CANX: variants seen among roughly 807,000 people sequenced by gnomAD.
CANX encodes epididymis secretory sperm binding protein.
In CANX, 14 loss-of-function variants were observed where a neutral mutation model predicts 75.7. That is an observed-to-expected ratio of 0.19 (90% CI 0.12 to 0.29). The LOEUF is 0.29. Ranked by LOEUF, CANX falls within the 10% of genes least tolerant of loss-of-function variation. The pLI is 1.00. For synonymous variants in CANX, 227 were observed against 236.9 expected (o/e 0.96, Z 0.38); for missense variants, 567 against 713.2 (o/e 0.79, Z 2.34).
intron 7 of CANX, among the ~76,000 whole-genome samples, chr5:179,714,975 G>T (rs1403200110): frequency 1.3e-5 from 2 of 151,910 alleles, no homozygotes; most frequent in African/African-American, 4.8e-5. Context: ...ATGTTGGCCA[G>T]GCTGGTCTCG....
intron 7 of CANX, among the ~76,000 whole-genome samples, chr5:179,713,686 G>A (rs1319588040): frequency 6.6e-6 from 1 of 152,120 alleles, no homozygotes; most frequent in African/African-American, 2.4e-5. Flanking sequence ...GGGAGGCTGA[G>A]GTGGGAGGAT....
At position 179,724,664 on chromosome 5, in the gene CANX, C is replaced by A. The variant is rs773343126; in HGVS notation, c.1526C>A (p.Thr509Asn). 1 of 1,612,542 alleles carries A rather than the reference C, an allele frequency of 6.2e-7. No homozygotes were observed. The highest frequency in any genetic ancestry group is 2.2e-5 in the East Asian group (1 of 44,856). Residue 509 changes from threonine to asparagine, a missense_variant, in exon 13 of 15, where the codon ACC (threonine) becomes AAC (asparagine). Transcript: ENST00000247461. ...CTTTGGGGAACATTTCAGAAACAGACCAGTGGTATGGAGTATAAGAAAACT... is the reference window on the plus strand; with the variant it reads ...CTTTGGGGAACATTTCAGAAACAGAACAGTGGTATGGAGTATAAGAAAACT... Reference protein sequence around the residue: ...ILFCCSGKKQTSGMEYKKTDA... With the variant: ...ILFCCSGKKQNSGMEYKKTDA...
At chr5:179,685,877 GACAGGGTTTC>G (rs2113036136) in intron 1 of CANX, among the ~76,000 whole-genome samples, 1 of 151,824 alleles carries the variant, frequency 6.6e-6, no homozygotes, top group African/African-American at 2.4e-5. Context: ...TTTTAGTAGA[GACAGGGTTTC>G]ACCATGTTTG....
In CANX at chr5:179,707,201, C is replaced by CAT. The variant is rs1777190612; in HGVS notation, c.304+12_304+13dup. 2.0e-6 allele frequency: 3 copies of CAT among 1,500,526 alleles called. No homozygotes were observed. The highest frequency in any genetic ancestry group is 2.8e-6 in the Non-Finnish European group (3 of 1,076,770). 93.0% of individuals were successfully genotyped at this position (1,500,526 alleles called of 1,614,324 possible). A position where few individuals can be genotyped will look rare whatever the true frequency, so the allele number is the denominator to read the frequency against. On this transcript the variant is annotated intron_variant, in intron 4 of 14. Transcript: ENST00000247461. ...TTGCCAAATATGATGGTGAGAATCC[C>CAT]ATTTGGTTTAGATATAATAGCAGAT...
At chr5:179,682,853 C>A (rs574193657) in intron 1 of CANX, among the ~76,000 whole-genome samples, 4 of 152,158 alleles carry the variant, frequency 2.6e-5, no homozygotes, top group African/African-American at 9.6e-5. Flanking sequence ...GACATTCTTG[C>A]TAAAACCTGA....
At chr5:179,716,490 A>G (rs994286166) in intron 8 of CANX, among the ~76,000 whole-genome samples, 196 bp downstream of exon 8, 11 of 152,198 alleles carry the variant, frequency 7.2e-5, no homozygotes, top group Non-Finnish European at 2.9e-5. Flanking sequence ...TCACCATTTT[A>G]CAAGCCACAG....
intron 10 of CANX, among the ~76,000 whole-genome samples, chr5:179,721,202 C>T (rs746553604): frequency 6.6e-6 from 1 of 152,064 alleles, no homozygotes. Flanking sequence ...CTCAGCCTCC[C>T]GAGTAGCTGG....
intron 1 of CANX, among the ~76,000 whole-genome samples, chr5:179,692,138 G>C (rs1436574756): frequency 6.7e-6 from 1 of 150,140 alleles, no homozygotes; most frequent in Non-Finnish European, 1.5e-5. Context: ...GCAGTGGTGC[G>C]ATCTCGGCTC....
chr5:179,679,035 G>A (rs1180222274), intron 1 of CANX: 4 of 1,534,392 alleles, frequency 2.6e-6, no homozygotes, highest in Admixed American at 2.0e-5. Context: ...CGCAGTGGCG[G>A]CCGCCGTGGC....
chr5:179,716,380 G>A, intron 8 of CANX, 86 bp downstream of exon 8: 1 of 945,378 alleles, frequency 1.1e-6, no homozygotes, highest in African/African-American at 1.7e-5. Flanking sequence ...GGTTGAGTAA[G>A]CTCTGATAAT....
At position 179,687,079 on chromosome 5, in the gene CANX, C is replaced by T. The variant is rs965721284; in HGVS notation, c.-4+8302C>T. Reference sequence around the variant, plus strand: ...GGCATGAGCCACTGCACCCGGCCTGCAGTTTTTTTGTTTGTTTGTTTGTTT... The same window carrying T: ...GGCATGAGCCACTGCACCCGGCCTGTAGTTTTTTTGTTTGTTTGTTTGTTT... On this transcript the variant is annotated intron_variant, in intron 1 of 14. Coordinates refer to the CANX transcript ENST00000681674. Among the ~76,000 whole-genome samples the T allele has an allele frequency of 2.0e-5, 3 of 148,000 alleles. No homozygotes were observed. In the Admixed American group the frequency reaches 2.0e-4, roughly 10 times the overall value.
At position 179,728,962 on chromosome 5, in the gene CANX, T is replaced by TTTAA; in HGVS notation, c.*319_*322dup. 8.1e-6 allele frequency: 3 copies of TTTAA among 372,420 alleles called. No individual in the cohort carries two copies. Among genetic ancestry groups the TTTAA allele is most frequent in the South Asian group, 6.8e-5 (3 of 44,214 alleles). 23.1% of individuals were successfully genotyped at this position (372,420 alleles called of 1,614,324 possible). ...ATAGAATGATAGAACTTTGCCAGTC[T>TTTAA]TTAAGATCTTGGCTTAATTTAATGT... is the stretch of plus-strand genomic sequence containing the variant. On this transcript the variant is annotated 3_prime_UTR_variant, in exon 15 of 15. Transcript: ENST00000247461.
At chr5:179,714,561 A>C (rs1403797432) in intron 7 of CANX, among the ~76,000 whole-genome samples, 3 of 150,690 alleles carry the variant, frequency 2.0e-5, no homozygotes, top group Non-Finnish European at 4.4e-5. Context: ...TCTGTCTCCC[A>C]GACTGGAGTG....
At chr5:179,715,878 A>G (rs1041109641) in intron 7 of CANX, 11 of 601,126 alleles carry the variant, frequency 1.8e-5, no homozygotes, top group Non-Finnish European at 2.7e-5. Flanking sequence ...GATTTTAACT[A>G]TCATTTGCTG....
intron 1 of CANX, among the ~76,000 whole-genome samples, chr5:179,686,472 G>A (rs1776192719): frequency 6.6e-6 from 1 of 151,446 alleles, no homozygotes; most frequent in South Asian, 2.1e-4. Context: ...AATGATTGCA[G>A]TTTTTCTTGT....
upstream of CANX, chr5:179,698,432 G>C (rs1031334694): frequency 2.3e-6 from 3 of 1,283,772 alleles, no homozygotes; most frequent in African/African-American, 1.5e-5. Context: ...ACGCCAATCC[G>C]GCCAGGCGCT....
upstream of CANX, chr5:179,698,955 C>G: frequency 9.0e-7 from 1 of 1,116,830 alleles, no homozygotes; most frequent in Non-Finnish European, 1.1e-6. Flanking sequence ...CGGTGGGGCT[C>G]GCTCGCGCGG....
At chr5:179,708,118 G>A (rs761577622) in intron 4 of CANX, 121 bp from the exon 5 acceptor site, 48 of 762,726 alleles carry the variant, frequency 6.3e-5, no homozygotes, top group Admixed American at 8.9e-5. Context: ...GATTATAGGT[G>A]TGAGCGACCA....
At position 179,722,736 on chromosome 5, in the gene CANX, G is replaced by A. The variant is rs746616528; in HGVS notation, c.1183-68G>A. The A allele has an allele frequency of 5.6e-6, 6 of 1,063,602 alleles. No homozygotes were observed. The highest frequency in any genetic ancestry group is 7.0e-6 in the Non-Finnish European group (5 of 712,430). The allele number at this position is 1,063,602 out of a possible 1,614,324, so 65.9% of individuals were successfully genotyped here. On this transcript the variant is annotated intron_variant, in intron 10 of 14. Transcript: ENST00000247461. ...ATTGTTCATGCAAAATTTCTCTTAC[G>A]GTAGATTCACCATAAACTTTTGTTG...
Sources: allele counts gnomAD v4.1 joint callset (sites outside exome capture counted in the v4.1 genomes callset), GRCh38; gene constraint gnomAD v4.1.1; transcripts MANE v1.5; gene names NCBI Gene and HGNC (gene_info 2026-07-23, HGNC 2026-07-21).